The following FRMD6 variants were observed in gnomAD, a reference collection of about 807,000 sequenced individuals.
FRMD6 encodes FERM domain-containing protein 6.
A neutral mutation model predicts 73.2 loss-of-function variants in FRMD6; 37 were observed. The observed-to-expected ratio is 0.51, with a 90% CI of 0.39 to 0.66. The LOEUF is 0.66. FRMD6 is among the 30% of genes least tolerant of loss of function. The pLI, the probability that FRMD6 is intolerant of heterozygous loss-of-function variation, is 0.00. For synonymous variants in FRMD6, 273 were observed against 282.2 expected, an observed-to-expected ratio of 0.97 and a Z score of 0.33; for missense variants, 714 against 780.5, an observed-to-expected ratio of 0.91 and a Z score of 1.02.
At chr14:51,657,920 G>A (rs1260094287) in intron 1 of FRMD6, among the ~76,000 whole-genome samples, 1 of 152,196 alleles carries the variant, frequency 6.6e-6, no homozygotes, top group Admixed American at 6.5e-5. Context: ...TGGAGGCAGA[G>A]GTTGAATGAT....
At position 51,701,155 on chromosome 14, in the gene FRMD6, C is replaced by G. The variant is rs1369407123; in HGVS notation, c.290C>G (p.Thr97Ser). ...EASKVRQYEVTWGIDQFGPPM... is the reference protein window; with the variant it reads ...EASKVRQYEVSWGIDQFGPPM... The stretch of plus-strand genomic sequence containing the variant: ...AGCAAGGTACGACAATACGAAGTCA[C>G]TTGGGTGAGATTACATTTATAAGCA... Residue 97 changes from threonine (T) to serine (S), a missense_variant, in exon 4 of 14, where the codon ACT becomes AGT. Thr to Ser is a moderately conservative substitution (Grantham distance 58). Coordinates refer to ENST00000344768, the MANE Select transcript of FRMD6 (RefSeq NM_001267046.2). 6.5e-7 allele frequency: 1 copy of G among 1,544,406 alleles called. No homozygotes were observed. Among genetic ancestry groups the G allele is most frequent in the African/African-American group, 1.4e-5 (1 of 72,184 alleles).
At chr14:51,549,687 C>CT (rs566495825) in intron 1 of FRMD6, among the ~76,000 whole-genome samples, 2 of 148,656 alleles carry the variant, frequency 1.3e-5, no homozygotes, top group Non-Finnish European at 3.0e-5. Flanking sequence ...GCTCCGCCCC[C>CT]CAGGTTCACG....
the FRMD6 span, among the ~76,000 whole-genome samples, chr14:51,479,496 G>C: frequency 1.3e-5 from 2 of 152,134 alleles, no homozygotes; most frequent in Non-Finnish European, 2.9e-5. Context: ...AGTTAGAGAG[G>C]TCACACAAAA....
chr14:51,398,819 C>T, the FRMD6 span, among the ~76,000 whole-genome samples: 1 of 152,070 alleles, frequency 6.6e-6, no homozygotes, highest in Non-Finnish European at 1.5e-5. Context: ...CAGGTTTTCC[C>T]GACTCCAAAT....
At chr14:51,514,575 C>T (rs1391160149) in intron 1 of FRMD6, among the ~76,000 whole-genome samples, 1 of 152,172 alleles carries the variant, frequency 6.6e-6, no homozygotes, top group Non-Finnish European at 1.5e-5. Flanking sequence ...GGGCCAGGTG[C>T]CGTGGCTCGT....
At chr14:51,705,107 A>G (rs1896547377) in intron 6 of FRMD6, among the ~76,000 whole-genome samples, 172 bp downstream of exon 6, 1 of 152,026 alleles carries the variant, frequency 6.6e-6, no homozygotes, top group Non-Finnish European at 1.5e-5. Context: ...GTCTTCATGT[A>G]CTTAGTCTGC....
chr14:51,433,240 A>C, the FRMD6 span, among the ~76,000 whole-genome samples: 2 of 152,194 alleles, frequency 1.3e-5, no homozygotes, highest in Admixed American at 1.3e-4. Flanking sequence ...TATATACAAG[A>C]TTGTTCATTG....
intron 2 of FRMD6, among the ~76,000 whole-genome samples, chr14:51,691,128 C>A (rs1895534061): frequency 6.6e-6 from 1 of 152,148 alleles, no homozygotes; most frequent in Non-Finnish European, 1.5e-5. Context: ...ATATTCTCTT[C>A]TGGCTTCTTT....
the FRMD6 span, among the ~76,000 whole-genome samples, chr14:51,424,231 T>C: frequency 6.6e-6 from 1 of 152,134 alleles, no homozygotes; most frequent in Non-Finnish European, 1.5e-5. Flanking sequence ...AAGCCACCGA[T>C]GAGATCAGCA....
intron 2 of FRMD6, among the ~76,000 whole-genome samples, chr14:51,642,876 G>C (rs1175311965): frequency 1.3e-5 from 2 of 152,164 alleles, no homozygotes; most frequent in Non-Finnish European, 2.9e-5. Flanking sequence ...ATCAATGATG[G>C]AGAAAGCCCT....
chr14:51,457,224 C>G, the FRMD6 span, among the ~76,000 whole-genome samples: 1 of 152,016 alleles, frequency 6.6e-6, no homozygotes, highest in Non-Finnish European at 1.5e-5. Flanking sequence ...AAACATGTAT[C>G]AAAGCATCAC....
rs771245264 is a variant in FRMD6 at position 51,701,127 on chromosome 14, G to C, written c.262G>C (p.Ala88Pro). The C allele has an allele frequency of 6.3e-7, 1 of 1,583,086 alleles. No homozygotes were observed. The highest frequency in any genetic ancestry group is 1.7e-5 in the Admixed American group (1 of 57,880). The change falls in exon 4 of 14, where the codon GCC (alanine) becomes CCC (proline). Residue 88 changes from alanine (A) to proline (P), a missense_variant. By Grantham distance (27) the Ala-to-Pro change is conservative (BLOSUM62 -1). Coordinates refer to ENST00000344768, the MANE Select transcript of FRMD6 (RefSeq NM_001267046.2). ...TTGTCCAAAAGAATGGAAGAAAGAG[G>C]CCAGCAAGGTACGACAATACGAAGT... ...KYCPKEWKKE[A>P]SKVRQYEVTW...
intron 1 of FRMD6, among the ~76,000 whole-genome samples, chr14:51,535,181 TA>T (rs1224087048): frequency 5.9e-5 from 9 of 151,930 alleles, no homozygotes; most frequent in South Asian, 2.1e-4. Flanking sequence ...TAGCCCCACT[TA>T]AAAAAAATAG....
At chr14:51,710,745 A>C (rs1285132303) in intron 7 of FRMD6, among the ~76,000 whole-genome samples, 1 of 152,186 alleles carries the variant, frequency 6.6e-6, no homozygotes, top group Non-Finnish European at 1.5e-5. Flanking sequence ...ATATTTACTT[A>C]GTAATTTCAT....
At chr14:51,699,759 A>G (rs1481566138) in intron 3 of FRMD6, among the ~76,000 whole-genome samples, 5 of 151,970 alleles carry the variant, frequency 3.3e-5, no homozygotes, top group Non-Finnish European at 5.9e-5. Flanking sequence ...TATATGTACT[A>G]TTATGGTGAA....
the FRMD6 span, among the ~76,000 whole-genome samples, chr14:51,471,265 G>A: frequency 7.2e-5 from 11 of 152,164 alleles, no homozygotes; most frequent in East Asian, 2.1e-3. Context: ...GGAGGCGGGT[G>A]GATCATGAGG....
At chr14:51,512,505 A>G (rs1359565590) in intron 1 of FRMD6, among the ~76,000 whole-genome samples, 1 of 152,204 alleles carries the variant, frequency 6.6e-6, no homozygotes, top group Non-Finnish European at 1.5e-5. Context: ...CTTGTCATCC[A>G]TCAAGGCTGC....
intron 1 of FRMD6, among the ~76,000 whole-genome samples, chr14:51,683,486 G>A (rs1042003889): frequency 9.9e-5 from 15 of 151,108 alleles, no homozygotes; most frequent in African/African-American, 3.2e-4. Flanking sequence ...ATGGGGTCTC[G>A]CTGTGTTTCC....
intron 1 of FRMD6, among the ~76,000 whole-genome samples, chr14:51,539,160 C>G (rs1434803664): frequency 2.0e-5 from 3 of 152,098 alleles, no homozygotes; most frequent in Admixed American, 2.0e-4. Flanking sequence ...CTCTAACACA[C>G]TAAGCTCCCC....
Sources: gnomAD v4.1 joint callset for allele counts (sites outside exome capture counted in the v4.1 genomes callset) on GRCh38, gnomAD v4.1.1 for gene constraint, MANE v1.5 for transcripts, NCBI Gene and HGNC (gene_info 2026-07-23, HGNC 2026-07-21) for gene names.